Variants in DHX9 observed in about 807,000 individuals in gnomAD.
DHX9 encodes the protein DExH-box helicase 9, also known as ATP-dependent RNA helicase A.
DHX9 carries 27 observed loss-of-function variants against 148.7 expected under a neutral mutation model. The observed-to-expected ratio is 0.18, with a 90% CI of 0.13 to 0.25. The LOEUF is 0.25. Among genes scored for constraint, DHX9 ranks in the 10% least tolerant of loss-of-function variants. DHX9 has a pLI of 1.00. For synonymous variants in DHX9, 529 were observed against 516.6 expected, an observed-to-expected ratio of 1.02 and a Z score of -0.33; for missense variants, 796 against 1,559.6, an observed-to-expected ratio of 0.51 and a Z score of 8.25.
At chr1:182,850,463 T>C (rs1402724275) in intron 3 of DHX9, among the ~76,000 whole-genome samples, 1 of 152,000 alleles carries the variant, frequency 6.6e-6, no homozygotes, top group Non-Finnish European at 1.5e-5. Context: ...GGAATGGTGG[T>C]GGCTGCCCGT....
chr1:182,875,377 A>G (rs1648714099), intron 16 of DHX9, among the ~76,000 whole-genome samples: 1 of 152,322 alleles, frequency 6.6e-6, no homozygotes, highest in Admixed American at 6.5e-5. Flanking sequence ...GGTGATCTGT[A>G]TATACAATAA....
chr1:182,882,262 G>C lies in DHX9; in HGVS notation c.2914+615G>C, dbSNP rs1649116311. ...TCTTGAGATGAATTTTACAGGTAAT[G>C]AAACAGGCACCAAGGTATAAATTGT... is the stretch of plus-strand genomic sequence containing the variant. On this transcript the variant is annotated intron_variant, in intron 24 of 27. Coordinates refer to ENST00000367549, the MANE Select transcript of DHX9 (RefSeq NM_001357.5). Among the ~76,000 whole-genome samples, 7 of 152,200 alleles carry C rather than the reference G, an allele frequency of 4.6e-5. No homozygotes were observed. In the South Asian group the frequency reaches 1.4e-3, roughly 31 times the overall value.
chr1:182,852,171 G>A, intron 3 of DHX9, 62 bp from the exon 4 acceptor site: 1 of 1,051,882 alleles, frequency 9.5e-7, no homozygotes, highest in Non-Finnish European at 1.4e-6. Context: ...AGTATTAAAA[G>A]AATTTACTAG....
chr1:182,887,167 T>C lies in DHX9; in HGVS notation c.3546T>C (p.Gly1182=). 1 of 1,614,094 alleles carries C rather than the reference T, an allele frequency of 6.2e-7. No homozygotes were observed. Among genetic ancestry groups the C allele is most frequent in the Non-Finnish European group, 8.5e-7 (1 of 1,179,974 alleles). Residue 1182 remains glycine (G), a synonymous_variant, in exon 28 of 28, where the codon GGT becomes GGC. Transcript: ENST00000367549. ...GYRRGGSSYS[G]GGYGGGYSSG... ...GAAGGGGAGGTTCTAGTTACAGTGG[T>C]GGAGGCTATGGCGGTGGCTATAGCA...
intron 12 of DHX9, among the ~76,000 whole-genome samples, chr1:182,864,429 C>T (rs1388872409): frequency 1.3e-5 from 2 of 152,156 alleles, no homozygotes; most frequent in Non-Finnish European, 2.9e-5. Context: ...GATGAACATA[C>T]TTGTATACGC....
intron 23 of DHX9, 42 bp from the exon 24 acceptor site, chr1:182,881,478 C>T: frequency 6.2e-7 from 1 of 1,608,524 alleles, no homozygotes; most frequent in East Asian, 2.2e-5. Flanking sequence ...GTATTTAGTT[C>T]TCTGGTCTTA....
At chr1:182,840,036 G>A (rs977258906) in intron 1 of DHX9, 3 of 152,392 alleles carry the variant, frequency 2.0e-5, no homozygotes, top group African/African-American at 7.2e-5. Context: ...TATCGCTTAA[G>A]GGCAGAAACT....
In DHX9 at chr1:182,881,658, T is replaced by G. The variant is rs1436037737; in HGVS notation, c.2914+11T>G. On this transcript the variant is annotated intron_variant, in intron 24 of 27. Coordinates refer to ENST00000367549, the MANE Select transcript of DHX9 (RefSeq NM_001357.5). Reference sequence around the variant, plus strand: ...CTGGGTTTCCAGAAGGTAAGACTTCTTCCATTCTTAAGATATCTTTAAAGT... The same window carrying G: ...CTGGGTTTCCAGAAGGTAAGACTTCGTCCATTCTTAAGATATCTTTAAAGT... 2 of 1,584,474 alleles carry G rather than the reference T, an allele frequency of 1.3e-6. No individual in the cohort carries two copies. Among genetic ancestry groups the G allele is most frequent in the African/African-American group, 2.7e-5 (2 of 73,116 alleles).
In DHX9 at chr1:182,858,601, A is replaced by G. The variant is rs369667190; in HGVS notation, c.861A>G (p.Gln287=). The part of the protein sequence containing the change: ...NLSQDLEHQL[Q]NIIQELNLEI... The stretch of plus-strand genomic sequence containing the variant: ...CTCAAGATTTAGAGCATCAGCTGCA[A>G]AACATCATTCAAGAGCTAAATCTTG... The change falls in exon 9 of 28, where the codon CAA becomes CAG. Residue 287 remains glutamine (Q), a synonymous_variant. Coordinates refer to ENST00000367549, the MANE Select transcript of DHX9 (RefSeq NM_001357.5). 2.5e-6 allele frequency: 4 copies of G among 1,611,686 alleles called. No individual in the cohort carries two copies.
chr1:182,846,186 T>A (rs1330574770), intron 3 of DHX9, among the ~76,000 whole-genome samples: 3 of 151,682 alleles, frequency 2.0e-5, no homozygotes, highest in African/African-American at 7.3e-5. Context: ...TAGGAGATTA[T>A]AAGGATTTAG....
At chr1:182,881,470 A>G (rs773749512) in intron 23 of DHX9, 45 bp downstream of exon 23, 11 of 1,609,298 alleles carry the variant, frequency 6.8e-6, no homozygotes, top group South Asian at 5.5e-5. Flanking sequence ...TCTCATTTGT[A>G]TTTAGTTCTC....
intron 15 of DHX9, 52 bp downstream of exon 15, chr1:182,872,545 T>G: frequency 6.5e-7 from 1 of 1,546,708 alleles, no homozygotes; most frequent in Non-Finnish European, 8.8e-7. Flanking sequence ...AGGGTTTGTA[T>G]TTTCTTAATC....
chr1:182,859,889 C>T, intron 11 of DHX9, 104 bp from the exon 12 acceptor site: 1 of 1,127,902 alleles, frequency 8.9e-7, no homozygotes, highest in East Asian at 2.5e-5. Flanking sequence ...CAGGCGTGAG[C>T]CACCGCGCCC....
chr1:182,860,809 C>T (rs923449960), intron 12 of DHX9, among the ~76,000 whole-genome samples: 1 of 152,298 alleles, frequency 6.6e-6, no homozygotes, highest in African/African-American at 2.4e-5. Flanking sequence ...ATGTTTGTCC[C>T]AGTACTTAGG....
chr1:182,845,085 G>A (rs1668004044), intron 3 of DHX9, among the ~76,000 whole-genome samples: 1 of 152,154 alleles, frequency 6.6e-6, no homozygotes, highest in Non-Finnish European at 1.5e-5. Context: ...CTAAGAACTC[G>A]ATAGACTTAC....
chr1:182,842,424 G>A, intron 1 of DHX9, 121 bp from the exon 2 acceptor site: 1 of 556,892 alleles, frequency 1.8e-6, no homozygotes. Context: ...TTTATGGGGA[G>A]TCTTAATAGC....
intron 20 of DHX9, 136 bp downstream of exon 20, chr1:182,878,309 T>TTCG: frequency 2.1e-6 from 2 of 958,576 alleles, no homozygotes; most frequent in South Asian, 3.6e-5. Flanking sequence ...GTGTAAATGT[T>TTCG]TCGTAAGAAT....
At chr1:182,865,909 T>A (rs1648273465) in intron 12 of DHX9, among the ~76,000 whole-genome samples, 1 of 150,430 alleles carries the variant, frequency 6.6e-6, no homozygotes, top group Non-Finnish European at 1.5e-5. Context: ...AGATTGATTG[T>A]TGGAAATAGC....
intron 3 of DHX9, among the ~76,000 whole-genome samples, chr1:182,847,345 C>T (rs1668051048): frequency 6.6e-6 from 1 of 152,172 alleles, no homozygotes. Flanking sequence ...TTATACTCCT[C>T]CAAAGAGCAT....
Sources: allele counts gnomAD v4.1 joint callset (sites outside exome capture counted in the v4.1 genomes callset), GRCh38; gene constraint gnomAD v4.1.1; transcripts MANE v1.5; gene names NCBI Gene and HGNC (gene_info 2026-07-23, HGNC 2026-07-21).